Variants in DAB1 observed in about 807,000 individuals in gnomAD.
DAB1 encodes DAB adaptor protein 1, also known as disabled homolog 1.
DAB1 carries 15 observed loss-of-function variants against 64.6 expected under a neutral mutation model. The observed-to-expected ratio is 0.23, with a 90% CI of 0.16 to 0.36. The LOEUF is 0.36. Ranked by LOEUF, DAB1 falls within the 10% of genes least tolerant of loss-of-function variation. DAB1 has a pLI of 1.00. For missense variants in DAB1, 596 were observed against 706.7 expected (o/e 0.84, Z 1.78); for synonymous variants, 235 against 251.9 (o/e 0.93, Z 0.64).
chr1:57,039,663 C>T (rs1350457699), intron 9 of DAB1, among the ~76,000 whole-genome samples: 1 of 152,164 alleles, frequency 6.6e-6, no homozygotes, highest in Non-Finnish European at 1.5e-5. Flanking sequence ...ATCCCTTATA[C>T]CTATTTTAGA....
At chr1:57,575,374 C>G (rs1182737154) in intron 7 of DAB1, among the ~76,000 whole-genome samples, 1 of 152,122 alleles carries the variant, frequency 6.6e-6, no homozygotes, top group Non-Finnish European at 1.5e-5. Context: ...GTAGCAAAAT[C>G]TCCTAAAAGC....
At chr1:58,155,096 G>A (rs992080882) in intron 4 of DAB1, among the ~76,000 whole-genome samples, 1 of 152,138 alleles carries the variant, frequency 6.6e-6, no homozygotes, top group African/African-American at 2.4e-5. Flanking sequence ...CCTCAGGGCC[G>A]GCCCAGACCT....
chr1:57,582,195 A>T (rs187906666), intron 7 of DAB1, among the ~76,000 whole-genome samples: 1 of 152,228 alleles, frequency 6.6e-6, no homozygotes, highest in African/African-American at 2.4e-5. Context: ...TGGATAGTTT[A>T]TAAACAAAAG....
At chr1:58,298,534 G>A (rs1419811565) in intron 4 of DAB1, among the ~76,000 whole-genome samples, 2 of 152,254 alleles carry the variant, frequency 1.3e-5, no homozygotes, top group Non-Finnish European at 2.9e-5. Flanking sequence ...CCTGCAGAAG[G>A]AGCCTATGCC....
At chr1:57,164,144 C>G (rs1368130416) in intron 2 of DAB1, among the ~76,000 whole-genome samples, 8 of 152,090 alleles carry the variant, frequency 5.3e-5, no homozygotes, top group Non-Finnish European at 1.0e-4. Flanking sequence ...CCTGGCCTGT[C>G]TGGTGGATAG....
At chr1:58,429,451 G>T (rs985092349) in intron 3 of DAB1, among the ~76,000 whole-genome samples, 1 of 152,246 alleles carries the variant, frequency 6.6e-6, no homozygotes, top group East Asian at 1.9e-4. Context: ...AGTCAGTGCA[G>T]TGGGAGGACG....
intron 3 of DAB1, among the ~76,000 whole-genome samples, chr1:58,403,008 T>C (rs922434112): frequency 2.0e-5 from 3 of 152,104 alleles, no homozygotes; most frequent in Non-Finnish European, 4.4e-5. Flanking sequence ...ACTGGCAATA[T>C]CAATACCATA....
intron 3 of DAB1, among the ~76,000 whole-genome samples, chr1:58,402,811 T>G (rs1051019292): frequency 1.5e-4 from 23 of 152,184 alleles, no homozygotes; most frequent in Admixed American, 1.4e-3. Flanking sequence ...GAGTTTATAT[T>G]CTAGTAAAGG....
rs374220169 is a variant in DAB1, at chr1:57,913,712, G to A, written n.388-29550C>T. On this transcript the variant is annotated intron_variant and non_coding_transcript_variant, in intron 5 of 20. Coordinates refer to the DAB1 transcript ENST00000485760. ...TCTACTCATCTGACAAAGGGCTAAT[G>A]TCCAGAATCTACAAAGAACTCAAAC... Among the ~76,000 whole-genome samples, 445 of 152,058 alleles carry A rather than the reference G, an allele frequency of 2.9e-3. 1 individual carries two copies. Among genetic ancestry groups the A allele is most frequent in the African/African-American group, 0.01 (428 of 41,498 alleles).
In DAB1 at chr1:58,071,363, GGTGTGTGTGTGT is replaced by G. The variant is rs548977353; in HGVS notation, n.387+79136_387+79147del. 3.9e-3 allele frequency among the ~76,000 whole-genome samples: 529 copies of G among 135,790 alleles called. 2 individuals carry two copies. The highest frequency in any genetic ancestry group is 0.019 in the Middle Eastern group (5 of 264). 89.1% of individuals were successfully genotyped at this position (135,790 alleles called of 152,430 possible). The stretch of plus-strand genomic sequence containing the variant: ...AACTCTACCTCCATCAAAGGAGAAT[GGTGTGTGTGTGT>G]GTGTGTGTGTGTGTGTGTGTGTGTG... On this transcript the variant is annotated intron_variant and non_coding_transcript_variant, in intron 5 of 20. Coordinates refer to the DAB1 transcript ENST00000485760.
chr1:57,393,192 A>C (rs925290961), intron 1 of DAB1, among the ~76,000 whole-genome samples: 1 of 152,158 alleles, frequency 6.6e-6, no homozygotes, highest in African/African-American at 2.4e-5. Context: ...AATGGGGATG[A>C]TTATAATAGG....
chr1:58,546,138 A>G (rs1646700331), intron 1 of DAB1, among the ~76,000 whole-genome samples: 1 of 152,232 alleles, frequency 6.6e-6, no homozygotes, highest in South Asian at 2.1e-4. Flanking sequence ...TTACGAGGAA[A>G]TTGTTAAAAC....
chr1:57,404,903 T>C (rs1429976728), intron 1 of DAB1, among the ~76,000 whole-genome samples: 1 of 152,230 alleles, frequency 6.6e-6, no homozygotes, highest in Non-Finnish European at 1.5e-5. Context: ...GTGAACAACT[T>C]TTTTATATCC....
At chr1:57,429,115 A>G (rs1024905535) in intron 7 of DAB1, among the ~76,000 whole-genome samples, 7 of 152,132 alleles carry the variant, frequency 4.6e-5, no homozygotes, top group African/African-American at 1.7e-4. Flanking sequence ...AGGTCTCCCT[A>G]TGTTTTTCAC....
intron 3 of DAB1, among the ~76,000 whole-genome samples, chr1:58,460,196 C>T (rs76020905): frequency 3.9e-5 from 6 of 152,026 alleles, no homozygotes; most frequent in African/African-American, 7.2e-5. Context: ...ATATATATAC[C>T]ATTTTACTAT....
chr1:58,101,477 G>C (rs972290949), intron 5 of DAB1, among the ~76,000 whole-genome samples: 2 of 152,106 alleles, frequency 1.3e-5, no homozygotes, highest in Non-Finnish European at 2.9e-5. Context: ...GGGGTACCTG[G>C]GGGGTAAGGG....
At chr1:57,423,262 G>T (rs112367017) in intron 1 of DAB1, among the ~76,000 whole-genome samples, 430 of 151,974 alleles carry the variant, frequency 2.8e-3, no homozygotes, top group Non-Finnish European at 4.3e-3. Context: ...GGGGGGAGGG[G>T]GTGCTGGGGA....
chr1:57,463,419 G>A (rs1686853657), intron 7 of DAB1, among the ~76,000 whole-genome samples: 1 of 152,164 alleles, frequency 6.6e-6, no homozygotes, highest in African/African-American at 2.4e-5. Context: ...GGGGTCTTAT[G>A]TTTTTTATTA....
chr1:57,564,452 T>A (rs540115210), intron 7 of DAB1, among the ~76,000 whole-genome samples: 2 of 151,576 alleles, frequency 1.3e-5, no homozygotes, highest in South Asian at 4.2e-4. Flanking sequence ...CTTTGATGAG[T>A]TGAGAGAAGG....
Sources: gnomAD v4.1 joint callset for allele counts (sites outside exome capture counted in the v4.1 genomes callset) on GRCh38, gnomAD v4.1.1 for gene constraint, MANE v1.5 for transcripts, NCBI Gene and HGNC (gene_info 2026-07-23, HGNC 2026-07-21) for gene names.